The following RAPGEF6 variants were observed in gnomAD, a reference collection of about 807,000 sequenced individuals.
The protein encoded by RAPGEF6 is Rap guanine nucleotide exchange factor 6.
In RAPGEF6, 56 loss-of-function variants were observed where a neutral mutation model predicts 171.4. The observed-to-expected ratio is 0.33, with a 90% confidence interval of 0.26 to 0.41. The LOEUF is 0.41. Among genes scored for constraint, RAPGEF6 ranks in the 10% least tolerant of loss-of-function variants. RAPGEF6 has a pLI of 1.00. For synonymous variants in RAPGEF6, 692 were observed against 650.1 expected (o/e 1.06, Z -0.98); for missense variants, 1,674 against 1,921.4 (o/e 0.87, Z 2.41).
chr5:131,494,655 G>C (rs1756508564), intron 13 of RAPGEF6, among the ~76,000 whole-genome samples: 1 of 152,184 alleles, frequency 6.6e-6, no homozygotes, highest in South Asian at 2.1e-4. Context: ...AGGAAGTATA[G>C]ATTACTGACA....
intron 21 of RAPGEF6, among the ~76,000 whole-genome samples, chr5:131,451,387 C>T (rs1183029997): frequency 6.6e-6 from 1 of 151,484 alleles, no homozygotes; most frequent in African/African-American, 2.4e-5. Context: ...AGTTCAAGAC[C>T]AGCCTGGGCA....
rs547570025 is a variant in RAPGEF6 at position 131,619,315 on chromosome 5, G to A, written c.70-14622C>T. 1.1e-4 allele frequency among the ~76,000 whole-genome samples: 17 copies of A among 152,252 alleles called. No individual in the cohort carries two copies. In the South Asian group the frequency reaches 2.9e-3, roughly 26 times the overall value. On this transcript the variant is annotated intron_variant, in intron 1 of 27. Coordinates refer to ENST00000509018, the MANE Select transcript of RAPGEF6 (RefSeq NM_016340.6). ...AACATCACACACCAGGGCCTGTTGC[G>A]GCGGGGCTGGAGGGCGGGGGGGCAT...
intron 19 of RAPGEF6, among the ~76,000 whole-genome samples, chr5:131,457,349 G>A (rs1459569963): frequency 6.6e-6 from 1 of 152,216 alleles, no homozygotes; most frequent in African/African-American, 2.4e-5. Context: ...GAGATTACAG[G>A]CATGAGCCAC....
chr5:131,549,486 G>T (rs963930530), intron 5 of RAPGEF6, among the ~76,000 whole-genome samples: 2 of 152,018 alleles, frequency 1.3e-5, no homozygotes, highest in African/African-American at 4.8e-5. Flanking sequence ...CTATGATAAA[G>T]TTCAATTTAT....
At chr5:131,572,642 C>T (rs561808208) in intron 4 of RAPGEF6, among the ~76,000 whole-genome samples, 53 of 152,186 alleles carry the variant, frequency 3.5e-4, no homozygotes, top group African/African-American at 9.4e-4. Context: ...CAGTCAGGGA[C>T]GCCTACTGGA....
intron 4 of RAPGEF6, among the ~76,000 whole-genome samples, chr5:131,571,479 T>A (rs1318457084): frequency 6.6e-6 from 1 of 152,162 alleles, no homozygotes; most frequent in Non-Finnish European, 1.5e-5. Flanking sequence ...GCAATTAGAA[T>A]AAGTGATTTA....
At chr5:131,540,077 C>T (rs1760033402) in intron 6 of RAPGEF6, among the ~76,000 whole-genome samples, 1 of 152,220 alleles carries the variant, frequency 6.6e-6, no homozygotes, top group South Asian at 2.1e-4. Context: ...GGCTCCATGT[C>T]TGTGCAGACG....
chr5:131,450,008 C>T (rs1191136686), intron 21 of RAPGEF6: 3 of 1,538,540 alleles, frequency 1.9e-6, no homozygotes, highest in Non-Finnish European at 2.6e-6. Context: ...CAGTTGCGTT[C>T]ATCTCTACAC....
At position 131,479,996 on chromosome 5, in the gene RAPGEF6, G is replaced by T. The variant is rs114187699; in HGVS notation, c.1841-243C>A. On this transcript the variant is annotated intron_variant, in intron 15 of 27. Coordinates refer to ENST00000509018, the MANE Select transcript of RAPGEF6 (RefSeq NM_016340.6). ...ACTAATAAAAGGAAAGTCAGTGGGG[G>T]GAAAGGGAAAGGAAGTGGGCAGGCT... Among the ~76,000 whole-genome samples, 907 of 152,042 alleles carry T rather than the reference G, an allele frequency of 6.0e-3. 6 individuals carry two copies. Among genetic ancestry groups the T allele is most frequent in the African/African-American group, 0.021 (869 of 41,462 alleles).
chr5:131,445,183 C>T (rs962902159), intron 22 of RAPGEF6, among the ~76,000 whole-genome samples: 1 of 152,148 alleles, frequency 6.6e-6, no homozygotes, highest in Non-Finnish European at 1.5e-5. Flanking sequence ...GGTATTCTTT[C>T]CATCATACTC....
At chr5:131,591,814 A>G (rs950200675) in intron 4 of RAPGEF6, among the ~76,000 whole-genome samples, 17 of 152,216 alleles carry the variant, frequency 1.1e-4, no homozygotes, top group Admixed American at 2.0e-4. Flanking sequence ...ACAGCAATGA[A>G]TCAAAAACCA....
chr5:131,591,859 A>G (rs892105790), intron 4 of RAPGEF6, among the ~76,000 whole-genome samples: 3 of 152,022 alleles, frequency 2.0e-5, no homozygotes, highest in Non-Finnish European at 2.9e-5. Flanking sequence ...ACATAAAACT[A>G]ATTTTTTTTT....
chr5:131,560,767 C>T (rs151274720), intron 5 of RAPGEF6, among the ~76,000 whole-genome samples: 1 of 152,330 alleles, frequency 6.6e-6, no homozygotes, highest in Non-Finnish European at 1.5e-5. Flanking sequence ...AAGACATAAT[C>T]TTTGCCCTGT....
At chr5:131,494,177 A>C (rs370676082) in intron 13 of RAPGEF6, among the ~76,000 whole-genome samples, 1 of 152,202 alleles carries the variant, frequency 6.6e-6, no homozygotes, top group African/African-American at 2.4e-5. Flanking sequence ...AACACAACTA[A>C]GGCATAAGAT....
intron 15 of RAPGEF6, among the ~76,000 whole-genome samples, chr5:131,483,783 T>C (rs531026532): frequency 6.6e-6 from 1 of 151,898 alleles, no homozygotes; most frequent in East Asian, 1.9e-4. Context: ...TGAGTAACAA[T>C]ATAAAAAGGG....
At chr5:131,446,043 A>AT (rs1039466174) in intron 22 of RAPGEF6, among the ~76,000 whole-genome samples, 49 of 151,318 alleles carry the variant, frequency 3.2e-4, no homozygotes, top group Non-Finnish European at 5.9e-4. Context: ...AATGTGTCTG[A>AT]TTTTTTTTTG....
chr5:131,534,667 C>T (rs1416186509), intron 6 of RAPGEF6, among the ~76,000 whole-genome samples: 3 of 146,642 alleles, frequency 2.0e-5, no homozygotes, highest in Non-Finnish European at 4.5e-5. Context: ...CCACTTGATA[C>T]TTAATATTGT....
chr5:131,543,940 T>A (rs1408631770), intron 6 of RAPGEF6, among the ~76,000 whole-genome samples: 1 of 152,122 alleles, frequency 6.6e-6, no homozygotes, highest in Admixed American at 6.5e-5. Flanking sequence ...AAGTGACTAA[T>A]AAGTACATGA....
intron 4 of RAPGEF6, among the ~76,000 whole-genome samples, chr5:131,573,567 C>T (rs1762434838): frequency 6.6e-6 from 1 of 152,036 alleles, no homozygotes; most frequent in South Asian, 2.1e-4. Context: ...TACGCAGATA[C>T]CCACCGGCTT....
Sources: gnomAD v4.1 joint callset for allele counts (sites outside exome capture counted in the v4.1 genomes callset) on GRCh38, gnomAD v4.1.1 for gene constraint, MANE v1.5 for transcripts, NCBI Gene and HGNC (gene_info 2026-07-23, HGNC 2026-07-21) for gene names.